The following REC114 variants were observed in gnomAD, a reference collection of about 807,000 sequenced individuals.
REC114 encodes REC114 meiotic recombination protein.
In REC114, 27 loss-of-function variants were observed where a neutral mutation model predicts 31.3. That is an observed-to-expected ratio of 0.86 (90% CI 0.64 to 1.19). The LOEUF is 1.19. Ranked by LOEUF, REC114 falls within the 50% of genes most tolerant of loss-of-function variation. The pLI is 0.00. For synonymous variants in REC114, 134 were observed against 127.7 expected (o/e 1.05, Z -0.33); for missense variants, 344 against 326.9 (o/e 1.05, Z -0.40).
intron 2 of REC114, among the ~76,000 whole-genome samples, chr15:73,524,037 T>C (rs1197718513): frequency 1.3e-5 from 2 of 152,216 alleles, no homozygotes; most frequent in Non-Finnish European, 2.9e-5. Flanking sequence ...GAAAGTATAT[T>C]GTGAAAAATC....
intron 1 of REC114, among the ~76,000 whole-genome samples, chr15:73,456,767 G>A (rs116788432): frequency 6.6e-6 from 1 of 152,108 alleles, no homozygotes; most frequent in Non-Finnish European, 1.5e-5. Context: ...TGAAAAGAAA[G>A]AATTTAGACA....
chr15:73,528,417 A>G (rs1894034011), intron 2 of REC114, among the ~76,000 whole-genome samples: 1 of 152,226 alleles, frequency 6.6e-6, no homozygotes, highest in Admixed American at 6.5e-5. Flanking sequence ...TCTGAGAAAA[A>G]AAAATCCAAC....
chr15:73,515,882 T>G (rs1265949573), intron 2 of REC114, among the ~76,000 whole-genome samples: 1 of 152,226 alleles, frequency 6.6e-6, no homozygotes, highest in African/African-American at 2.4e-5. Flanking sequence ...GGCTAACTTT[T>G]ATGAATATAG....
chr15:73,538,440 G>A (rs1395188168), intron 2 of REC114, among the ~76,000 whole-genome samples: 1 of 148,254 alleles, frequency 6.7e-6, no homozygotes, highest in Non-Finnish European at 1.5e-5. Context: ...TACATATGTG[G>A]CTCAAATTCT....
At chr15:73,542,213 C>T (rs1331000134) in intron 3 of REC114, among the ~76,000 whole-genome samples, 1 of 151,634 alleles carries the variant, frequency 6.6e-6, no homozygotes, top group Non-Finnish European at 1.5e-5. Flanking sequence ...TGCCTGTAAT[C>T]CCAGCTACTT....
At chr15:73,516,175 A>C (rs890285623) in intron 2 of REC114, among the ~76,000 whole-genome samples, 1 of 152,002 alleles carries the variant, frequency 6.6e-6, no homozygotes, top group African/African-American at 2.4e-5. Context: ...TAGTAGAGAC[A>C]GGGTTTCACC....
intron 2 of REC114, among the ~76,000 whole-genome samples, chr15:73,487,519 CTAA>C: frequency 6.6e-6 from 1 of 152,332 alleles, no homozygotes; most frequent in East Asian, 1.9e-4. Flanking sequence ...AATCTAAAAC[CTAA>C]TAAAGCAAAC....
At chr15:73,515,269 T>G (rs554993383) in intron 2 of REC114, among the ~76,000 whole-genome samples, 1 of 152,318 alleles carries the variant, frequency 6.6e-6, no homozygotes, top group Admixed American at 6.5e-5. Context: ...TACATCCAAA[T>G]AACTTATTGT....
At chr15:73,529,187 G>A (rs1350097151) in intron 2 of REC114, among the ~76,000 whole-genome samples, 1 of 151,018 alleles carries the variant, frequency 6.6e-6, no homozygotes, top group African/African-American at 2.4e-5. Flanking sequence ...GCCCAGGCTA[G>A]AGTGCAGTGG....
intron 4 of REC114, among the ~76,000 whole-genome samples, chr15:73,553,661 G>A (rs1894422779): frequency 6.6e-6 from 1 of 152,182 alleles, no homozygotes; most frequent in Non-Finnish European, 1.5e-5. Flanking sequence ...GTAACATGCA[G>A]TAACAAATGC....
chr15:73,476,235 TA>T (rs999839568), intron 2 of REC114, among the ~76,000 whole-genome samples: 108 of 152,336 alleles, frequency 7.1e-4, no homozygotes, highest in African/African-American at 2.5e-3. Context: ...AAATTATTTT[TA>T]AAAATCACTT....
chr15:73,530,053 T>C (rs1447276369), intron 2 of REC114, among the ~76,000 whole-genome samples: 1 of 152,228 alleles, frequency 6.6e-6, no homozygotes, highest in African/African-American at 2.4e-5. Flanking sequence ...CCAAACTGGT[T>C]ATATAGCTTT....
chr15:73,529,285 C>T (rs1894045086), intron 2 of REC114, among the ~76,000 whole-genome samples: 1 of 151,840 alleles, frequency 6.6e-6, no homozygotes, highest in Admixed American at 6.6e-5. Flanking sequence ...CTACAGGCGC[C>T]CGCCACCATG....
At chr15:73,456,084 A>G (rs1892911281) in intron 1 of REC114, among the ~76,000 whole-genome samples, 1 of 152,240 alleles carries the variant, frequency 6.6e-6, no homozygotes, top group Non-Finnish European at 1.5e-5. Context: ...TATTTAAGCC[A>G]TCTGTCGTCA....
chr15:73,452,439 AC>A (rs1362189047), intron 1 of REC114, among the ~76,000 whole-genome samples: 2 of 152,190 alleles, frequency 1.3e-5, no homozygotes, highest in Non-Finnish European at 2.9e-5. Context: ...GATGTGAAGG[AC>A]CTCTTCAAGG....
At chr15:73,446,855 A>G (rs1172199428) in intron 1 of REC114, among the ~76,000 whole-genome samples, 2 of 152,164 alleles carry the variant, frequency 1.3e-5, no homozygotes, top group African/African-American at 2.4e-5. Context: ...AAGCAGAGGC[A>G]TTTTCATCTT....
chr15:73,517,492 A>G (rs1193971816), intron 2 of REC114, among the ~76,000 whole-genome samples: 2 of 152,178 alleles, frequency 1.3e-5, no homozygotes, highest in African/African-American at 4.8e-5. Context: ...GCAAAAACCA[A>G]TCGGACTTAG....
At chr15:73,530,063 T>C (rs1204223566) in intron 2 of REC114, among the ~76,000 whole-genome samples, 1 of 152,228 alleles carries the variant, frequency 6.6e-6, no homozygotes, top group Admixed American at 6.5e-5. Flanking sequence ...TATATAGCTT[T>C]TATAAATCAG....
intron 2 of REC114, among the ~76,000 whole-genome samples, chr15:73,529,007 C>T (rs919880711): frequency 1.3e-5 from 2 of 152,156 alleles, no homozygotes; most frequent in Admixed American, 1.3e-4. Context: ...CCAAGATCAT[C>T]AGGAAAATGT....
Sources: gnomAD v4.1 joint callset for allele counts (sites outside exome capture counted in the v4.1 genomes callset) on GRCh38, gnomAD v4.1.1 for gene constraint, MANE v1.5 for transcripts, NCBI Gene and HGNC (gene_info 2026-07-23, HGNC 2026-07-21) for gene names.